The following ADAMTSL3 variants were observed in gnomAD, a reference collection of about 807,000 sequenced individuals.
The protein encoded by ADAMTSL3 is ADAMTS like 3.
A neutral mutation model predicts 201.7 loss-of-function variants in ADAMTSL3; 128 were observed. That is an observed-to-expected ratio of 0.63 (90% CI 0.55 to 0.73). ADAMTSL3 has a LOEUF of 0.73. ADAMTSL3 is among the 30% of genes least tolerant of loss of function. The probability of loss-of-function intolerance (pLI) is 0.00; values close to 1 mark genes in which losing one functional copy is unlikely to be tolerated. For synonymous variants in ADAMTSL3, 738 were observed against 748.4 expected, an observed-to-expected ratio of 0.99 and a Z score of 0.23; for missense variants, 1,990 against 2,119.6, an observed-to-expected ratio of 0.94 and a Z score of 1.20.
intron 16 of ADAMTSL3, among the ~76,000 whole-genome samples, chr15:83,922,673 G>T (rs907570419): frequency 6.6e-6 from 1 of 152,258 alleles, no homozygotes; most frequent in African/African-American, 2.4e-5. Flanking sequence ...ATCCTGCCAT[G>T]GCAGGGAACA....
intron 2 of ADAMTSL3, among the ~76,000 whole-genome samples, chr15:83,685,280 G>GT (rs936363179): frequency 7.9e-5 from 12 of 151,700 alleles, no homozygotes; most frequent in South Asian, 2.1e-4. Flanking sequence ...TCTTTGGCCT[G>GT]TTTTTTTTAT....
chr15:83,831,015 TA>T (rs1176590945), intron 6 of ADAMTSL3, among the ~76,000 whole-genome samples: 1 of 152,176 alleles, frequency 6.6e-6, no homozygotes, highest in Non-Finnish European at 1.5e-5. Flanking sequence ...ACTAATGAAG[TA>T]AAGTTTGGGC....
At chr15:83,856,128 G>T (rs1190532096) in intron 7 of ADAMTSL3, among the ~76,000 whole-genome samples, 1 of 151,240 alleles carries the variant, frequency 6.6e-6, no homozygotes, top group Non-Finnish European at 1.5e-5. Flanking sequence ...TCCTTAAAAT[G>T]ACTGATGCTG....
chr15:83,688,904 G>T (rs1161262888), intron 2 of ADAMTSL3, among the ~76,000 whole-genome samples: 1 of 152,208 alleles, frequency 6.6e-6, no homozygotes, highest in East Asian at 1.9e-4. Context: ...CACCTCCTGG[G>T]CTCAGGTGAT....
At chr15:84,031,065 T>A (rs1427933735) in intron 27 of ADAMTSL3, among the ~76,000 whole-genome samples, 1 of 152,172 alleles carries the variant, frequency 6.6e-6, no homozygotes, top group Non-Finnish European at 1.5e-5. Context: ...CCTTTGTAAA[T>A]TACCCAGTCT....
chr15:83,801,645 A>ATATATATATAAATATATATATATATAT (rs2063517183), intron 4 of ADAMTSL3, among the ~76,000 whole-genome samples: 1 of 43,902 alleles, frequency 2.3e-5, no homozygotes, highest in Non-Finnish European at 4.8e-5. Flanking sequence ...TAAATATATA[A>ATATATATATAAATATATATATATATAT]ATATAAATAT....
At chr15:83,706,211 T>C (rs2061849216) in intron 3 of ADAMTSL3, among the ~76,000 whole-genome samples, 1 of 152,190 alleles carries the variant, frequency 6.6e-6, no homozygotes, top group African/African-American at 2.4e-5. Flanking sequence ...TACCAAGCTA[T>C]GCATTTTATA....
intron 6 of ADAMTSL3, among the ~76,000 whole-genome samples, chr15:83,831,905 A>G (rs568469863): frequency 6.6e-6 from 1 of 152,270 alleles, no homozygotes; most frequent in South Asian, 2.1e-4. Flanking sequence ...GCAAGGATAT[A>G]TGTTGCCAGG....
chr15:83,940,975 C>T (rs750375852), intron 17 of ADAMTSL3, among the ~76,000 whole-genome samples: 13 of 152,002 alleles, frequency 8.6e-5, no homozygotes, highest in Non-Finnish European at 1.6e-4. Flanking sequence ...CTATTTTACC[C>T]ATATTTTCAA....
chr15:83,776,025 T>C (rs781303457), intron 4 of ADAMTSL3, among the ~76,000 whole-genome samples: 1 of 152,222 alleles, frequency 6.6e-6, no homozygotes, highest in Non-Finnish European at 1.5e-5. Context: ...GAGCCAGTGC[T>C]GCAACACCTA....
At chr15:83,778,360 TAAAGAC>T (rs1188994358) in intron 4 of ADAMTSL3, among the ~76,000 whole-genome samples, 1 of 152,154 alleles carries the variant, frequency 6.6e-6, no homozygotes, top group African/African-American at 2.4e-5. Context: ...GAAAAAATGT[TAAAGAC>T]AGAGAGAAAG....
At chr15:83,671,578 G>A (rs761177184) in intron 2 of ADAMTSL3, among the ~76,000 whole-genome samples, 4 of 152,152 alleles carry the variant, frequency 2.6e-5, no homozygotes, top group Admixed American at 6.5e-5. Flanking sequence ...TCAATTTTAT[G>A]TGTATCCCAA....
chr15:83,655,687 G>A (rs2061072005), intron 1 of ADAMTSL3, 42 bp from the exon 2 acceptor site: 7 of 1,446,026 alleles, frequency 4.8e-6, no homozygotes, highest in South Asian at 4.7e-5. Context: ...ACTGCCATGG[G>A]GGCCAGAGCT....
At chr15:83,690,115 G>T (rs2061592271) in intron 2 of ADAMTSL3, among the ~76,000 whole-genome samples, 1 of 151,964 alleles carries the variant, frequency 6.6e-6, no homozygotes, top group Non-Finnish European at 1.5e-5. Flanking sequence ...TTTTGTTCTG[G>T]TTCATTTTCC....
intron 2 of ADAMTSL3, among the ~76,000 whole-genome samples, chr15:83,659,052 C>G (rs2141353554): frequency 6.6e-6 from 1 of 152,304 alleles, no homozygotes; most frequent in East Asian, 1.9e-4. Flanking sequence ...CTGAATGGCC[C>G]TCCACCGTGT....
At chr15:83,999,777 C>A (rs904306959) in intron 23 of ADAMTSL3, among the ~76,000 whole-genome samples, 17 of 143,942 alleles carry the variant, frequency 1.2e-4, no homozygotes, top group Admixed American at 3.4e-4. Flanking sequence ...TTTTCTTAAT[C>A]GGGATTTTTT....
rs199568409 is a variant in ADAMTSL3, at chr15:83,870,833, A to C, written c.834A>C (p.Lys278Asn). Residue 278 changes from lysine to asparagine, a missense_variant, in exon 9 of 30, where the codon AAA becomes AAC. Coordinates refer to ENST00000286744, the MANE Select transcript of ADAMTSL3 (RefSeq NM_207517.3). The part of the protein sequence containing the change: ...FIESKTLQGS[K>N]GEHSFNSPGV... The stretch of plus-strand genomic sequence containing the variant: ...AATCAAAAACACTTCAAGGAAGCAA[A>C]GGAGAACACAGCTTTAACAGCCCCG... 8.1e-6 allele frequency: 13 copies of C among 1,606,248 alleles called. No homozygotes were observed. The East Asian group carries it at 2.7e-4, about 33-fold the overall frequency.
intron 9 of ADAMTSL3, among the ~76,000 whole-genome samples, chr15:83,874,876 A>G (rs2065149922): frequency 6.9e-6 from 1 of 145,820 alleles, no homozygotes; most frequent in African/African-American, 2.6e-5. Context: ...CAGGTGTCAC[A>G]TGTGAACAAG....
intron 17 of ADAMTSL3, among the ~76,000 whole-genome samples, chr15:83,936,669 G>A (rs978222370): frequency 2.0e-5 from 3 of 150,712 alleles, no homozygotes; most frequent in Non-Finnish European, 4.4e-5. Flanking sequence ...CAAATGAGAC[G>A]TAATTAAACT....
Sources: allele counts gnomAD v4.1 joint callset (sites outside exome capture counted in the v4.1 genomes callset), GRCh38; gene constraint gnomAD v4.1.1; transcripts MANE v1.5; gene names NCBI Gene and HGNC (gene_info 2026-07-23, HGNC 2026-07-21).